AHCY: variants seen among roughly 807,000 people sequenced by gnomAD.
AHCY encodes S-adenosyl-L-homocysteine hydrolase.
In AHCY, 24 loss-of-function variants were observed where a neutral mutation model predicts 45.4. The ratio of observed to expected loss-of-function variants is 0.53; its 90% CI spans 0.38 to 0.74. AHCY has a LOEUF of 0.74. Ranked by LOEUF, AHCY falls within the 30% of genes least tolerant of loss-of-function variation. The probability of loss-of-function intolerance (pLI) is 0.00; values close to 1 mark genes in which losing one functional copy is unlikely to be tolerated. For synonymous variants in AHCY, 245 were observed against 235.1 expected (o/e 1.04, Z -0.39); for missense variants, 449 against 594.1 (o/e 0.76, Z 2.54).
the AHCY span, chr20:34,269,055 C>G: frequency 6.2e-7 from 1 of 1,600,786 alleles, no homozygotes; most frequent in African/African-American, 1.3e-5. Context: ...TGCGTGGCCA[C>G]CCGCAACAGC....
At chr20:34,295,642 G>C in intron 1 of AHCY, 57 bp from the exon 2 acceptor site, 1 of 1,579,972 alleles carries the variant, frequency 6.3e-7, no homozygotes, top group Non-Finnish European at 8.6e-7. Context: ...CAACCAAGAG[G>C]GGCGGTCACT....
At chr20:34,279,741 A>G (rs906389180), downstream of AHCY, among the ~76,000 whole-genome samples, 2 of 152,178 alleles carry the variant, frequency 1.3e-5, no homozygotes, top group Non-Finnish European at 2.9e-5. Flanking sequence ...TGCCTCACTG[A>G]TCATGGGCCA....
the AHCY span, among the ~76,000 whole-genome samples, chr20:34,240,060 A>G: frequency 6.6e-6 from 1 of 152,226 alleles, no homozygotes; most frequent in Non-Finnish European, 1.5e-5. Flanking sequence ...TCTGAGGAAC[A>G]GAAAGAAGGT....
chr20:34,304,146 T>C (rs1238466289), upstream of AHCY, among the ~76,000 whole-genome samples: 1 of 152,240 alleles, frequency 6.6e-6, no homozygotes, highest in African/African-American at 2.4e-5. Flanking sequence ...TATCATTAAA[T>C]AGTTCTGTGT....
At chr20:34,294,290 C>T in intron 2 of AHCY, 134 bp from the exon 3 acceptor site, 2 of 842,650 alleles carry the variant, frequency 2.4e-6, no homozygotes, top group Non-Finnish European at 2.0e-6. Context: ...TCTAGGATCA[C>T]AGGCTGGGGA....
intron 1 of AHCY, among the ~76,000 whole-genome samples, chr20:34,300,108 C>A (rs1203342375): frequency 1.3e-5 from 2 of 152,150 alleles, no homozygotes; most frequent in South Asian, 4.1e-4. Context: ...TTGCTTGAAC[C>A]TGGGAGGCGG....
At chr20:34,298,669 C>A (rs1274054027) in intron 1 of AHCY, among the ~76,000 whole-genome samples, 2 of 150,784 alleles carry the variant, frequency 1.3e-5, no homozygotes, top group South Asian at 2.1e-4. Context: ...TCCTCCACCT[C>A]TTGTAGAGGG....
At chr20:34,237,819 GTCC>G in the AHCY span, among the ~76,000 whole-genome samples, 1 of 152,120 alleles carries the variant, frequency 6.6e-6, no homozygotes, top group Non-Finnish European at 1.5e-5. Flanking sequence ...TGTTGAAGCA[GTCC>G]TCCTATTCCT....
chr20:34,295,958 T>C (rs2036566152), intron 1 of AHCY, among the ~76,000 whole-genome samples: 1 of 152,064 alleles, frequency 6.6e-6, no homozygotes, highest in Non-Finnish European at 1.5e-5. Context: ...CCTAAAGATG[T>C]TAGCTGCTGG....
chr20:34,241,038 C>T, the AHCY span, among the ~76,000 whole-genome samples: 19 of 152,276 alleles, frequency 1.2e-4, no homozygotes, highest in Admixed American at 7.9e-4. Context: ...CTGCTATCCA[C>T]GGACAGGAAA....
the AHCY span, among the ~76,000 whole-genome samples, chr20:34,243,739 A>G: frequency 1.4e-5 from 2 of 145,702 alleles, no homozygotes; most frequent in Non-Finnish European, 3.0e-5. Flanking sequence ...AATACTTTAC[A>G]TTTTTCTAAT....
chr20:34,232,958 A>G, the AHCY span, among the ~76,000 whole-genome samples: 1 of 151,962 alleles, frequency 6.6e-6, no homozygotes, highest in African/African-American at 2.4e-5. Flanking sequence ...ACTGTTCCCT[A>G]CCTCTCCACA....
At chr20:34,267,123 A>C in the AHCY span, among the ~76,000 whole-genome samples, 4 of 152,236 alleles carry the variant, frequency 2.6e-5, no homozygotes, top group Non-Finnish European at 4.4e-5. Context: ...TATGCTAAGC[A>C]CTGGGAACAT....
chr20:34,286,439 T>G (rs182463224), intron 8 of AHCY: 5 of 152,366 alleles, frequency 3.3e-5, no homozygotes, highest in African/African-American at 1.2e-4. Context: ...TGAGGACAGA[T>G]CCCATGTTCT....
rs771220780 is a variant in AHCY at position 34,285,640 on chromosome 20, C to G, written c.973-6G>C. Reference sequence around the variant, plus strand: ...TTCAACCGATACCGGTCCACCTACACGCAGGCAGGGCAACAGTGAAGGCAG... The same window carrying G: ...TTCAACCGATACCGGTCCACCTACAGGCAGGCAGGGCAACAGTGAAGGCAG... On this transcript the variant is annotated splice_polypyrimidine_tract_variant and splice_region_variant and intron_variant, in intron 8 of 9. Transcript: ENST00000217426. The G allele has an allele frequency of 5.6e-6, 9 of 1,612,318 alleles. No homozygotes were observed. The Admixed American group carries it at 8.3e-5, about 15-fold the overall frequency.
chr20:34,307,695 C>T (rs1446297835), upstream of AHCY, among the ~76,000 whole-genome samples: 1 of 152,180 alleles, frequency 6.6e-6, no homozygotes, highest in Non-Finnish European at 1.5e-5. Context: ...TACAACTGCA[C>T]ATGAATCTAC....
chr20:34,280,078 C>T (rs549268905), downstream of AHCY, among the ~76,000 whole-genome samples: 17 of 151,984 alleles, frequency 1.1e-4, no homozygotes, highest in East Asian at 1.9e-4. Flanking sequence ...GGTGACGGAG[C>T]GAGACTCTGT....
chr20:34,288,816 T>C (rs1047319110), intron 8 of AHCY, among the ~76,000 whole-genome samples: 1 of 152,206 alleles, frequency 6.6e-6, no homozygotes, highest in Admixed American at 6.5e-5. Flanking sequence ...AGAAACATAC[T>C]ACTTTTATAA....
chr20:34,263,375 G>T, the AHCY span, among the ~76,000 whole-genome samples: 1 of 152,112 alleles, frequency 6.6e-6, no homozygotes, highest in African/African-American at 2.4e-5. Context: ...GACTAGCCTG[G>T]CCAACATGGT....
Sources: allele counts gnomAD v4.1 joint callset (sites outside exome capture counted in the v4.1 genomes callset), GRCh38; gene constraint gnomAD v4.1.1; transcripts MANE v1.5; gene names NCBI Gene and HGNC (gene_info 2026-07-23, HGNC 2026-07-21).